RBFOX1: variants seen among roughly 807,000 people sequenced by gnomAD.
The protein encoded by RBFOX1 is RNA binding fox-1 homolog 1, also known as RNA binding protein fox-1 homolog 1.
In RBFOX1, 8 loss-of-function variants were observed where a neutral mutation model predicts 57.7. The observed-to-expected ratio is 0.14, with a 90% CI of 0.08 to 0.25. The LOEUF (loss-of-function observed/expected upper bound fraction) is 0.25, where lower values mean the gene tolerates loss of function less well. Among genes scored for constraint, RBFOX1 ranks in the 10% least tolerant of loss-of-function variants. The probability of loss-of-function intolerance (pLI) is 1.00; values close to 1 mark genes in which losing one functional copy is unlikely to be tolerated. For missense variants in RBFOX1, 611 were observed against 548.5 expected, an observed-to-expected ratio of 1.11 and a Z score of -1.14; for synonymous variants, 326 against 222.4, an observed-to-expected ratio of 1.47 and a Z score of -4.15.
At chr16:6,412,422 G>C (rs879676228) in intron 2 of RBFOX1, among the ~76,000 whole-genome samples, 2 of 152,120 alleles carry the variant, frequency 1.3e-5, no homozygotes, top group East Asian at 3.9e-4. Context: ...GGTTGATAGA[G>C]GATGCCTGTT....
rs2059408098 is a variant in RBFOX1 at position 5,946,757 on chromosome 16, C to T, written c.351+79422C>T. ...AGTCTTGTGGGACTGGGCCCTCAAC[C>T]TGTGGAATCTGATTCTAACTCCAGG... On this transcript the variant is annotated intron_variant, in intron 4 of 19. Transcript: ENST00000641259. This position sits in a 1 kb window ranked among gnomAD's most constrained non-coding sequence, Gnocchi z 4.6. Among the ~76,000 whole-genome samples the T allele has an allele frequency of 3.9e-5, 6 of 152,168 alleles. No homozygotes were observed. Among genetic ancestry groups the T allele is most frequent in the Admixed American group, 3.9e-4 (6 of 15,274 alleles).
At chr16:7,029,067 TATATATATATATATACACACACACAC>T (rs1476214778) in intron 3 of RBFOX1, among the ~76,000 whole-genome samples, 2 of 34,696 alleles carry the variant, frequency 5.8e-5, no homozygotes, top group African/African-American at 3.7e-4. Flanking sequence ...TATATATATA[TATATATATATATATACACACACACAC>T]ACACACACAC....
chr16:6,857,840 G>T (rs1385623116), intron 3 of RBFOX1, among the ~76,000 whole-genome samples: 1 of 152,196 alleles, frequency 6.6e-6, no homozygotes, highest in East Asian at 1.9e-4. Flanking sequence ...TAGTGTGTTT[G>T]TAGCTCTTCA....
intron 2 of RBFOX1, among the ~76,000 whole-genome samples, chr16:5,494,106 C>CT (rs1567160250): frequency 1.3e-5 from 2 of 152,136 alleles, no homozygotes; most frequent in Non-Finnish European, 2.9e-5. Context: ...TCCTTACTCA[C>CT]GTGCTTTGCT....
intron 14 of RBFOX1, among the ~76,000 whole-genome samples, chr16:7,683,676 T>G (rs1265069820): frequency 6.6e-6 from 1 of 152,072 alleles, no homozygotes; most frequent in African/African-American, 2.4e-5. Flanking sequence ...ATCATTGACT[T>G]GATAGGCCAC....
At position 7,135,758 on chromosome 16, in the gene RBFOX1, A is replaced by G. The variant is rs144002429; in HGVS notation, c.27+83660A>G. On this transcript the variant is annotated intron_variant, in intron 4 of 15. Coordinates refer to ENST00000550418, the MANE Select transcript of RBFOX1 (RefSeq NM_018723.4). ...TCTTCCTCCTAATATGACATGATTA[A>G]CATTTTTCAATTAACCACATGTAAT... Among the ~76,000 whole-genome samples the G allele has an allele frequency of 3.0e-3, 457 of 152,374 alleles. 5 individuals carry two copies. The highest frequency in any genetic ancestry group is 0.01 in the African/African-American group (419 of 41,590).
At chr16:6,734,556 C>T (rs1341600173) in intron 3 of RBFOX1, among the ~76,000 whole-genome samples, 1 of 141,608 alleles carries the variant, frequency 7.1e-6, no homozygotes, top group Non-Finnish European at 1.5e-5. Flanking sequence ...ACTAGGAGTT[C>T]AGTCCATGTA....
At chr16:5,700,151 C>G (rs2050993167) in intron 3 of RBFOX1, among the ~76,000 whole-genome samples, 1 of 152,162 alleles carries the variant, frequency 6.6e-6, no homozygotes. Flanking sequence ...GTTTTATTAA[C>G]TGAAATTTTA....
intron 5 of RBFOX1, among the ~76,000 whole-genome samples, chr16:7,566,690 T>G (rs1017317162): frequency 6.6e-6 from 1 of 152,124 alleles, no homozygotes; most frequent in Non-Finnish European, 1.5e-5. Flanking sequence ...ATTTAGCCAG[T>G]TTCACATTTT....
chr16:5,843,230 A>C (rs1223081600), intron 3 of RBFOX1, among the ~76,000 whole-genome samples: 2 of 152,172 alleles, frequency 1.3e-5, no homozygotes, highest in Non-Finnish European at 2.9e-5. Flanking sequence ...AGATTATTTC[A>C]TCGCCAAGGT....
chr16:5,327,803 G>A (rs1451389916), intron 1 of RBFOX1, among the ~76,000 whole-genome samples: 1 of 152,160 alleles, frequency 6.6e-6, no homozygotes, highest in Non-Finnish European at 1.5e-5. Context: ...TTTCCTGTTA[G>A]TACCCCTTGT....
intron 4 of RBFOX1, among the ~76,000 whole-genome samples, chr16:5,904,471 T>C (rs1484951289): frequency 1.3e-5 from 2 of 151,746 alleles, no homozygotes; most frequent in Non-Finnish European, 2.9e-5. Context: ...GCTAAAAGCC[T>C]CTGAGAGAGA....
intron 4 of RBFOX1, among the ~76,000 whole-genome samples, chr16:5,905,222 C>A (rs894331492): frequency 6.6e-6 from 1 of 151,574 alleles, no homozygotes; most frequent in African/African-American, 2.4e-5. Flanking sequence ...TGGGTGCCAC[C>A]ACACCTAGCT....
chr16:7,308,072 G>C (rs1413925046), intron 4 of RBFOX1, among the ~76,000 whole-genome samples: 2 of 152,164 alleles, frequency 1.3e-5, no homozygotes, highest in Admixed American at 6.5e-5. Flanking sequence ...GGTCAAAAGA[G>C]AACCTATTTT....
intron 4 of RBFOX1, among the ~76,000 whole-genome samples, chr16:5,905,681 T>C (rs891287232): frequency 4.6e-5 from 7 of 152,094 alleles, no homozygotes; most frequent in African/African-American, 1.4e-4. Flanking sequence ...AGGGAGACCC[T>C]GTCCAACGCA....
chr16:5,408,410 G>A (rs796680146), intron 1 of RBFOX1, among the ~76,000 whole-genome samples: 3 of 152,270 alleles, frequency 2.0e-5, no homozygotes, highest in Non-Finnish European at 2.9e-5. Context: ...GGAGGGTGCC[G>A]CGGTATGAAT....
rs564891591 is a variant in RBFOX1, at chr16:5,577,369, G to T, written c.259-21533G>T. Among the ~76,000 whole-genome samples the T allele has an allele frequency of 4.1e-3, 626 of 152,258 alleles. 2 individuals are homozygous for T. The highest frequency in any genetic ancestry group is 6.7e-3 in the Non-Finnish European group (457 of 68,030). On this transcript the variant is annotated intron_variant, in intron 2 of 2. Transcript: ENST00000585867. ...GAGGCATAGACCTGTTGGCGGGGGG[G>T]TCTCACCTCCTCACCTCAACATTTT... is the stretch of plus-strand genomic sequence containing the variant.
chr16:7,672,848 C>A (rs2071942708), intron 13 of RBFOX1, among the ~76,000 whole-genome samples: 1 of 61,718 alleles, frequency 1.6e-5, no homozygotes. Context: ...GCCTGGGTGA[C>A]AGAGAAGACT....
At chr16:5,604,336 C>T (rs1378469343), downstream of RBFOX1, among the ~76,000 whole-genome samples, 1 of 152,176 alleles carries the variant, frequency 6.6e-6, no homozygotes, top group Non-Finnish European at 1.5e-5. Context: ...AAGCTGCAGG[C>T]AAGGGAGTTG....
Sources: allele counts gnomAD v4.1 joint callset (sites outside exome capture counted in the v4.1 genomes callset), GRCh38; gene constraint gnomAD v4.1.1; non-coding constraint Gnocchi (gnomAD v3.1); transcripts MANE v1.5; gene names NCBI Gene and HGNC (gene_info 2026-07-23, HGNC 2026-07-21).